LRRIQ1: variants seen among roughly 807,000 people sequenced by gnomAD.
LRRIQ1 encodes the protein leucine-rich repeat- and IQ domain-containing protein 1.
In LRRIQ1, 210 loss-of-function variants were observed where a neutral mutation model predicts 211.9. That is an observed-to-expected ratio of 0.99 (90% CI 0.89 to 1.11). The LOEUF (loss-of-function observed/expected upper bound fraction) is 1.11, where lower values mean the gene tolerates loss of function less well. Among genes scored for constraint, LRRIQ1 ranks in the 50% most tolerant of loss-of-function variants. The pLI is 0.00. For missense variants in LRRIQ1, 2,136 were observed against 1,939.5 expected (o/e 1.10, Z -1.90); for synonymous variants, 699 against 650.1 (o/e 1.08, Z -1.14).
intron 26 of LRRIQ1, among the ~76,000 whole-genome samples, chr12:85,239,684 A>T (rs1441100792): frequency 6.6e-6 from 1 of 151,972 alleles, no homozygotes; most frequent in African/African-American, 2.4e-5. Flanking sequence ...AAATTGTAAA[A>T]CCTATTGAAG....
At chr12:85,052,772 G>A (rs79723048) in intron 7 of LRRIQ1, among the ~76,000 whole-genome samples, 3 of 151,524 alleles carry the variant, frequency 2.0e-5, no homozygotes, top group African/African-American at 4.9e-5. Context: ...ATATAAACCC[G>A]CTCCTGCAAA....
intron 24 of LRRIQ1, among the ~76,000 whole-genome samples, chr12:85,173,082 C>T (rs562545368): frequency 6.6e-6 from 1 of 152,158 alleles, no homozygotes; most frequent in East Asian, 1.9e-4. Context: ...GCATTCTAGC[C>T]TGGTGACAAA....
chr12:85,206,726 G>A (rs1893568365), intron 24 of LRRIQ1, among the ~76,000 whole-genome samples: 2 of 151,966 alleles, frequency 1.3e-5, no homozygotes, highest in African/African-American at 4.8e-5. Context: ...GCCAGCAGGA[G>A]GTATGATGCA....
chr12:85,263,101 T>G, exon 2 of LRRIQ1: 1 of 984,412 alleles, frequency 1.0e-6, no homozygotes, highest in Non-Finnish European at 1.2e-6. Flanking sequence ...GCAAACTGTT[T>G]CATGAAGTCT....
intron 19 of LRRIQ1, among the ~76,000 whole-genome samples, chr12:85,148,245 T>C (rs1890021140): frequency 6.6e-6 from 1 of 151,728 alleles, no homozygotes; most frequent in Admixed American, 6.6e-5. Flanking sequence ...TAGGTATACG[T>C]GTCCCATGGT....
At chr12:85,121,955 A>G (rs570357178) in intron 16 of LRRIQ1, 79 bp downstream of exon 16, 2 of 1,219,900 alleles carry the variant, frequency 1.6e-6, no homozygotes, top group South Asian at 2.0e-5. Flanking sequence ...TATTCTGATT[A>G]ACACAATTAT....
intron 24 of LRRIQ1, among the ~76,000 whole-genome samples, chr12:85,193,083 T>C (rs1892684082): frequency 8.4e-6 from 1 of 119,500 alleles, no homozygotes; most frequent in South Asian, 2.2e-4. Flanking sequence ...TTTTATTATA[T>C]ATAATTATAT....
At chr12:85,193,542 T>G (rs1233705676) in intron 24 of LRRIQ1, among the ~76,000 whole-genome samples, 3 of 145,014 alleles carry the variant, frequency 2.1e-5, no homozygotes, top group East Asian at 4.0e-4. Context: ...AAAAGAATTT[T>G]CAACCCAGAA....
At position 85,056,056 on chromosome 12, in the gene LRRIQ1, T is replaced by C; in HGVS notation, c.1263T>C (p.Asp421=). Reference sequence around the variant, plus strand: ...AAGATATTTCAAATGATAAGGGTGATATAGCCAAAAATCTAGTGGATGAAA... The same window carrying C: ...AAGATATTTCAAATGATAAGGGTGACATAGCCAAAAATCTAGTGGATGAAA... ...SLEDISNDKG[D]IAKNLVDENS... The change falls in exon 8 of 27, where the codon GAT becomes GAC. Residue 421 remains aspartate, a synonymous_variant. Transcript: ENST00000393217. 1 of 1,597,914 alleles carries C rather than the reference T, an allele frequency of 6.3e-7. No homozygotes were observed. Among genetic ancestry groups the C allele is most frequent in the African/African-American group, 1.4e-5 (1 of 73,842 alleles).
rs1555207753 is a variant in LRRIQ1 at position 85,102,959 on chromosome 12, A to AT, written c.3210-1045_3210-1044insT. On this transcript the variant is annotated intron_variant, in intron 13 of 26. Transcript: ENST00000393217. ...CTAATTGTGGCAAAAAAAAAAAAAA[A>AT]ATATATATATATATATATATATATA... Among the ~76,000 whole-genome samples, 736 of 108,396 alleles carry AT rather than the reference A, an allele frequency of 6.8e-3. 5 individuals carry two copies. The highest frequency in any genetic ancestry group is 0.013 in the African/African-American group (311 of 24,000). 71.1% of individuals were successfully genotyped at this position (108,396 alleles called of 152,430 possible).
intron 6 of LRRIQ1, among the ~76,000 whole-genome samples, chr12:85,050,841 C>T (rs1880218242): frequency 6.6e-6 from 1 of 152,122 alleles, no homozygotes; most frequent in South Asian, 2.1e-4. Flanking sequence ...GAACTTTTCC[C>T]ACTTTTTAAA....
intron 11 of LRRIQ1, among the ~76,000 whole-genome samples, chr12:85,094,806 C>T (rs1319247305): frequency 2.0e-5 from 3 of 151,810 alleles, no homozygotes; most frequent in Non-Finnish European, 4.4e-5. Context: ...TTGTAGTTCT[C>T]TTTGTAGAGA....
chr12:85,118,246 A>G (rs995878710), intron 15 of LRRIQ1, among the ~76,000 whole-genome samples: 4 of 152,172 alleles, frequency 2.6e-5, no homozygotes, highest in African/African-American at 4.8e-5. Flanking sequence ...CTTCAAAACT[A>G]CTGAACAAGT....
intron 24 of LRRIQ1, among the ~76,000 whole-genome samples, chr12:85,190,249 T>C (rs1481113783): frequency 2.1e-5 from 3 of 144,958 alleles, no homozygotes; most frequent in African/African-American, 7.4e-5. Context: ...TACATTATAT[T>C]ATATATTAAC....
intron 3 of LRRIQ1, among the ~76,000 whole-genome samples, chr12:85,044,425 A>G (rs1879280748): frequency 6.6e-6 from 1 of 152,086 alleles, no homozygotes; most frequent in South Asian, 2.1e-4. Flanking sequence ...CCGTTGCAAT[A>G]TCAAGCCAGG....
intron 25 of LRRIQ1, among the ~76,000 whole-genome samples, chr12:85,231,368 A>G (rs915109845): frequency 3.3e-5 from 5 of 152,222 alleles, no homozygotes; most frequent in African/African-American, 7.2e-5. Flanking sequence ...AAAAGTAGGA[A>G]TAAAGGCATC....
chr12:85,060,641 A>G (rs1388478200), intron 8 of LRRIQ1, among the ~76,000 whole-genome samples: 2 of 151,914 alleles, frequency 1.3e-5, no homozygotes, highest in Non-Finnish European at 2.9e-5. Flanking sequence ...CAAACCACTA[A>G]TCAAACCTTG....
chr12:85,052,452 G>A (rs1389783165), intron 7 of LRRIQ1, among the ~76,000 whole-genome samples: 1 of 152,016 alleles, frequency 6.6e-6, no homozygotes, highest in East Asian at 1.9e-4. Context: ...GGTTTGGTGA[G>A]TGTTGTCCGT....
chr12:85,198,300 T>G (rs1893103755), intron 24 of LRRIQ1, among the ~76,000 whole-genome samples: 1 of 150,026 alleles, frequency 6.7e-6, no homozygotes. Flanking sequence ...ATGGTTCTCA[T>G]TTATATTTCC....
Sources: gnomAD v4.1 joint callset for allele counts (sites outside exome capture counted in the v4.1 genomes callset) on GRCh38, gnomAD v4.1.1 for gene constraint, MANE v1.5 for transcripts, NCBI Gene and HGNC (gene_info 2026-07-23, HGNC 2026-07-21) for gene names.